The following PLCL2 variants were observed in gnomAD, a reference collection of about 807,000 sequenced individuals.
PLCL2 encodes inactive phospholipase C-like protein 2.
A neutral mutation model predicts 79.6 loss-of-function variants in PLCL2; 4 were observed. The ratio of observed to expected loss-of-function variants is 0.05; its 90% confidence interval spans 0.02 to 0.11. The LOEUF is 0.11. PLCL2 is among the 10% of genes least tolerant of loss of function. PLCL2 has a pLI of 1.00. For synonymous variants in PLCL2, 484 were observed against 457.7 expected (o/e 1.06, Z -0.73); for missense variants, 895 against 1,291.0 (o/e 0.69, Z 4.70).
chr3:17,039,781 T>A (rs942711836), intron 3 of PLCL2, among the ~76,000 whole-genome samples: 4 of 152,196 alleles, frequency 2.6e-5, no homozygotes, highest in Non-Finnish European at 4.4e-5. Flanking sequence ...CTAGGAGGAA[T>A]GGCTTCTCAC....
chr3:16,958,622 C>G lies in PLCL2; in HGVS notation c.328-51052C>G, dbSNP rs572645009. Among the ~76,000 whole-genome samples, 17 of 152,268 alleles carry G rather than the reference C, an allele frequency of 1.1e-4. No homozygotes were observed. The East Asian group carries it at 3.1e-3, about 28-fold the overall frequency. The stretch of plus-strand genomic sequence containing the variant: ...AAACTAATGGACCAATTTAATGTGT[C>G]AAACTCTTATATATAAAAAATAAAG... On this transcript the variant is annotated intron_variant, in intron 1 of 5. Coordinates refer to ENST00000615277, the MANE Select transcript of PLCL2 (RefSeq NM_001144382.2).
At chr3:17,005,236 CTG>C (rs1374658057) in intron 1 of PLCL2, among the ~76,000 whole-genome samples, 1 of 152,178 alleles carries the variant, frequency 6.6e-6, no homozygotes, top group Non-Finnish European at 1.5e-5. Context: ...CATTAACTAT[CTG>C]TGTGCCCTTA....
intron 4 of PLCL2, among the ~76,000 whole-genome samples, chr3:17,059,869 A>G (rs891859535): frequency 1.3e-5 from 2 of 152,160 alleles, no homozygotes; most frequent in South Asian, 2.1e-4. Context: ...AGAGGTGTCA[A>G]AAAGAAGGAG....
At chr3:17,041,874 T>C (rs1334933364) in intron 3 of PLCL2, among the ~76,000 whole-genome samples, 1 of 151,972 alleles carries the variant, frequency 6.6e-6, no homozygotes, top group African/African-American at 2.4e-5. Context: ...TGCCTAGGAG[T>C]TGGAGAGTGC....
intron 1 of PLCL2, among the ~76,000 whole-genome samples, chr3:16,902,854 G>GTA (rs1696658230): frequency 9.3e-5 from 1 of 10,804 alleles, no homozygotes; most frequent in African/African-American, 2.8e-4. Context: ...AATGCAGTGC[G>GTA]TGTGTGTGTG....
chr3:16,998,349 A>G lies in PLCL2; in HGVS notation c.328-11325A>G, dbSNP rs2064174908. Among the ~76,000 whole-genome samples, 4 of 152,234 alleles carry G rather than the reference A, an allele frequency of 2.6e-5. 1 individual carries two copies. In the South Asian group the frequency reaches 6.2e-4, roughly 24 times the overall value. ...TACCTTTTAAAATTCAATGCAATTT[A>G]CTAGACAGTTATTACCAATTAAAGT... On this transcript the variant is annotated intron_variant, in intron 1 of 5. Coordinates refer to ENST00000615277, the MANE Select transcript of PLCL2 (RefSeq NM_001144382.2).
At chr3:17,034,453 C>T (rs754697435) in intron 3 of PLCL2, among the ~76,000 whole-genome samples, 50 of 152,150 alleles carry the variant, frequency 3.3e-4, no homozygotes, top group Non-Finnish European at 7.1e-4. Context: ...TCCAAATGCA[C>T]GGCAATATTT....
intron 5 of PLCL2, among the ~76,000 whole-genome samples, chr3:17,082,523 G>A (rs2065174913): frequency 6.6e-6 from 1 of 152,108 alleles, no homozygotes; most frequent in Admixed American, 6.5e-5. Flanking sequence ...AAGTGATGTG[G>A]ACAAAGTTCA....
intron 1 of PLCL2, among the ~76,000 whole-genome samples, chr3:16,888,177 G>A (rs79933579): frequency 0.015 from 2,268 of 152,286 alleles, 68 homozygotes; most frequent in African/African-American, 0.052. Flanking sequence ...GGGGACTATT[G>A]CTAAAGTGCA....
At position 17,011,626 on chromosome 3, in the gene PLCL2, C is replaced by G; in HGVS notation, c.2280C>G (p.Ile760Met). 1 of 1,614,124 alleles carries G rather than the reference C, an allele frequency of 6.2e-7. No individual in the cohort carries two copies. Among genetic ancestry groups the G allele is most frequent in the Non-Finnish European group, 8.5e-7 (1 of 1,180,022 alleles). Residue 760 changes from isoleucine to methionine, a missense_variant, in exon 2 of 6, where the codon ATC becomes ATG. Physicochemically the swap from Ile to Met is conservative, Grantham distance 10 (BLOSUM62 1). Coordinates refer to ENST00000615277, the MANE Select transcript of PLCL2 (RefSeq NM_001144382.2). This position sits in a 1 kb window ranked among gnomAD's most constrained non-coding sequence, Gnocchi z 7.9. ...GVSPQLLHIKIISGQNFPKPK... is the reference protein window; with the variant it reads ...GVSPQLLHIKMISGQNFPKPK... ...CACCTCAACTTCTTCACATTAAAAT[C>G]ATCAGTGGGCAGAACTTTCCCAAGC...
intron 1 of PLCL2, among the ~76,000 whole-genome samples, chr3:16,982,731 TTC>T (rs1213085894): frequency 2.6e-5 from 4 of 152,242 alleles, no homozygotes; most frequent in Non-Finnish European, 5.9e-5. Context: ...CCAAATTTTC[TTC>T]TCTTTCCTTT....
intron 5 of PLCL2, chr3:17,081,286 G>A (rs866116453): frequency 2.2e-6 from 1 of 456,192 alleles, no homozygotes; most frequent in Non-Finnish European, 4.4e-6. Flanking sequence ...ATGTGATTTG[G>A]AAGAAAAGTG....
chr3:17,066,071 G>A (rs952811828), intron 4 of PLCL2, among the ~76,000 whole-genome samples: 5 of 152,256 alleles, frequency 3.3e-5, no homozygotes, highest in African/African-American at 1.2e-4. Flanking sequence ...GTGGATCTGA[G>A]TCATGCAGCA....
intron 5 of PLCL2, among the ~76,000 whole-genome samples, chr3:17,079,233 C>T (rs1313980669): frequency 6.6e-6 from 1 of 152,140 alleles, no homozygotes. Flanking sequence ...GCTGGGCCAC[C>T]CTCCCCTCCC....
At chr3:17,068,592 A>G (rs982523950) in intron 5 of PLCL2, among the ~76,000 whole-genome samples, 2 of 152,208 alleles carry the variant, frequency 1.3e-5, no homozygotes, top group South Asian at 2.1e-4. Flanking sequence ...ATCTCTATGC[A>G]TATCTATTTT....
Position 16,886,729 on chromosome 3 carries a change from C to G in PLCL2, c.327+1363C>G, listed in dbSNP as rs557266942. 4.6e-5 allele frequency among the ~76,000 whole-genome samples: 7 copies of G among 152,254 alleles called. No homozygotes were observed. Among genetic ancestry groups the G allele is most frequent in the Non-Finnish European group, 8.8e-5 (6 of 68,024 alleles). ...TGCATACATAGCTTTTAGTGACTTA[C>G]GTTTTCTTTTACTCTGTAGCTTATG... On this transcript the variant is annotated intron_variant, in intron 1 of 5. Transcript: ENST00000615277. This position sits in a 1 kb window ranked among gnomAD's most constrained non-coding sequence, Gnocchi z 4.2.
intron 1 of PLCL2, among the ~76,000 whole-genome samples, chr3:16,964,385 G>A (rs1444701609): frequency 6.6e-6 from 1 of 152,140 alleles, no homozygotes; most frequent in African/African-American, 2.4e-5. Flanking sequence ...ATCCCATGGT[G>A]TATATGTGCC....
At chr3:16,936,525 A>G (rs1012393422) in intron 1 of PLCL2, among the ~76,000 whole-genome samples, 17 of 152,346 alleles carry the variant, frequency 1.1e-4, no homozygotes, top group African/African-American at 3.4e-4. Flanking sequence ...GTTTAAAAAA[A>G]AAAGAAAGAA....
intron 1 of PLCL2, among the ~76,000 whole-genome samples, chr3:16,941,777 C>A (rs185560872): frequency 1.3e-5 from 2 of 151,790 alleles, no homozygotes; most frequent in Non-Finnish European, 1.5e-5. Flanking sequence ...TAAATAAAAC[C>A]GAACAGAATA....
Sources: gnomAD v4.1 joint callset for allele counts (sites outside exome capture counted in the v4.1 genomes callset) on GRCh38, gnomAD v4.1.1 for gene constraint, Gnocchi (gnomAD v3.1) non-coding constraint, MANE v1.5 for transcripts, NCBI Gene and HGNC (gene_info 2026-07-23, HGNC 2026-07-21) for gene names.